SLC13A3: variants seen among roughly 807,000 people sequenced by gnomAD.
The protein encoded by SLC13A3 is solute carrier family 13 member 3.
A neutral mutation model predicts 59.0 loss-of-function variants in SLC13A3; 40 were observed. The observed-to-expected ratio is 0.68, with a 90% CI of 0.53 to 0.88. SLC13A3 has a LOEUF of 0.88. Ranked by LOEUF, SLC13A3 falls within the 40% of genes least tolerant of loss-of-function variation. SLC13A3 has a pLI of 0.00. For synonymous variants in SLC13A3, 317 were observed against 330.3 expected, an observed-to-expected ratio of 0.96 and a Z score of 0.44; for missense variants, 699 against 783.2, an observed-to-expected ratio of 0.89 and a Z score of 1.28.
At chr20:46,669,219 T>C (rs536581468) in intron 1 of SLC13A3, among the ~76,000 whole-genome samples, 135 of 152,320 alleles carry the variant, frequency 8.9e-4, no homozygotes, top group African/African-American at 3.1e-3. Context: ...ACACATGACC[T>C]GAAATCCAGA....
At chr20:46,640,601 C>T (rs1252569720) in intron 1 of SLC13A3, among the ~76,000 whole-genome samples, 3 of 152,304 alleles carry the variant, frequency 2.0e-5, no homozygotes, top group Middle Eastern at 3.4e-3. Context: ...TGAGCCTTCC[C>T]AGCAGGTATC....
intron 5 of SLC13A3, among the ~76,000 whole-genome samples, chr20:46,595,902 C>T (rs1358204320): frequency 6.6e-6 from 1 of 152,196 alleles, no homozygotes; most frequent in Non-Finnish European, 1.5e-5. Context: ...TACCCTCTTT[C>T]CCTGCTGTAT....
intron 1 of SLC13A3, among the ~76,000 whole-genome samples, chr20:46,657,121 AC>A (rs1311485450): frequency 6.6e-6 from 1 of 152,020 alleles, no homozygotes; most frequent in Non-Finnish European, 1.5e-5. Flanking sequence ...TAACAAACCA[AC>A]AAAAAAAGCT....
chr20:46,641,669 A>T (rs1166477280), intron 1 of SLC13A3, among the ~76,000 whole-genome samples: 2 of 152,192 alleles, frequency 1.3e-5, no homozygotes, highest in Non-Finnish European at 2.9e-5. Flanking sequence ...AACCAAAAGA[A>T]GGCACATGAG....
upstream of SLC13A3, among the ~76,000 whole-genome samples, chr20:46,672,353 C>T (rs1408326072): frequency 6.6e-6 from 1 of 152,250 alleles, no homozygotes; most frequent in Non-Finnish European, 1.5e-5. Flanking sequence ...CTGCTGAGCC[C>T]ATGGCAACAG....
chr20:46,624,935 G>GA (rs1024048908), intron 1 of SLC13A3, among the ~76,000 whole-genome samples: 13 of 151,704 alleles, frequency 8.6e-5, no homozygotes, highest in Admixed American at 1.3e-4. Context: ...GCAGCCAGGG[G>GA]AAAAAAAACC....
intron 1 of SLC13A3, among the ~76,000 whole-genome samples, chr20:46,669,129 A>G (rs143757325): frequency 7.7e-4 from 117 of 152,314 alleles, no homozygotes; most frequent in Middle Eastern, 3.4e-3. Context: ...CCATATCCCC[A>G]CACAAATACT....
At chr20:46,680,647 C>T (rs1277568445) in intron 1 of SLC13A3, among the ~76,000 whole-genome samples, 1 of 152,224 alleles carries the variant, frequency 6.6e-6, no homozygotes, top group Non-Finnish European at 1.5e-5. Flanking sequence ...CCATCTCAGG[C>T]CATCTTGTGA....
intron 9 of SLC13A3, among the ~76,000 whole-genome samples, chr20:46,581,745 G>A (rs1206725403): frequency 3.3e-5 from 5 of 152,122 alleles, no homozygotes; most frequent in African/African-American, 1.2e-4. Context: ...ACACTATAAG[G>A]GAACAAAAGT....
intron 3 of SLC13A3, among the ~76,000 whole-genome samples, chr20:46,608,173 C>A (rs1002902723): frequency 6.6e-6 from 1 of 152,184 alleles, no homozygotes; most frequent in Non-Finnish European, 1.5e-5. Flanking sequence ...CAATCCAGCC[C>A]ACCGCCTGTT....
At chr20:46,566,627 G>C in intron 10 of SLC13A3, 1 of 406,210 alleles carries the variant, frequency 2.5e-6, no homozygotes, top group Non-Finnish European at 4.4e-6. Flanking sequence ...ACAGGCCAGG[G>C]ACCCAAACCC....
At chr20:46,590,224 T>A (rs2062239606) in intron 6 of SLC13A3, among the ~76,000 whole-genome samples, 1 of 151,812 alleles carries the variant, frequency 6.6e-6, no homozygotes, top group African/African-American at 2.4e-5. Flanking sequence ...TAAAAAAAAA[T>A]AATAATACTA....
intron 3 of SLC13A3, among the ~76,000 whole-genome samples, chr20:46,606,762 A>T (rs1339532135): frequency 1.3e-5 from 2 of 152,230 alleles, no homozygotes; most frequent in Non-Finnish European, 2.9e-5. Context: ...TGGGCCTATC[A>T]TGGCTGTGAG....
At chr20:46,560,239 C>T (rs1444865314) in intron 12 of SLC13A3, 41 bp from the exon 13 acceptor site, 4 of 1,587,212 alleles carry the variant, frequency 2.5e-6, no homozygotes, top group Admixed American at 3.4e-5. Context: ...CAGCACCTGA[C>T]CCACCATACA....
At chr20:46,599,003 G>A (rs1249492159) in intron 4 of SLC13A3, among the ~76,000 whole-genome samples, 1 of 152,162 alleles carries the variant, frequency 6.6e-6, no homozygotes, top group African/African-American at 2.4e-5. Context: ...ATCTTCTTGT[G>A]ATGACTTCCC....
intron 3 of SLC13A3, among the ~76,000 whole-genome samples, chr20:46,608,149 A>G (rs1020279531): frequency 2.0e-5 from 3 of 152,212 alleles, no homozygotes; most frequent in Non-Finnish European, 4.4e-5. Context: ...TCAGTGACCT[A>G]CAATATGCAG....
At chr20:46,584,849 TA>T (rs552586567) in intron 8 of SLC13A3, among the ~76,000 whole-genome samples, 94 of 151,310 alleles carry the variant, frequency 6.2e-4, no homozygotes, top group Non-Finnish European at 9.4e-4. Context: ...CTGATAAGAG[TA>T]AAAAAAAATT....
At chr20:46,583,388 C>T (rs574728118) in intron 9 of SLC13A3, 184 bp downstream of exon 9, 110 of 1,384,748 alleles carry the variant, frequency 7.9e-5, no homozygotes, top group Non-Finnish European at 1.0e-4. Flanking sequence ...GTTGCTAACC[C>T]CTGTCCTGGA....
At chr20:46,587,268 C>T (rs774684872) in intron 8 of SLC13A3, among the ~76,000 whole-genome samples, 1 of 152,186 alleles carries the variant, frequency 6.6e-6, no homozygotes, top group African/African-American at 2.4e-5. Context: ...CAATGAAAAA[C>T]GTACTAGTAT....
Sources: allele counts gnomAD v4.1 joint callset (sites outside exome capture counted in the v4.1 genomes callset), GRCh38; gene constraint gnomAD v4.1.1; transcripts MANE v1.5; gene names NCBI Gene and HGNC (gene_info 2026-07-23, HGNC 2026-07-21).